The following SHC4 variants were observed in gnomAD, a reference collection of about 807,000 sequenced individuals.
SHC4 encodes SHC-transforming protein 4.
SHC4 carries 41 observed loss-of-function variants against 69.4 expected under a neutral mutation model. The observed-to-expected ratio is 0.59, with a 90% CI of 0.46 to 0.77. SHC4 has a LOEUF of 0.77. Ranked by LOEUF, SHC4 falls within the 30% of genes least tolerant of loss-of-function variation. The pLI is 0.00. For missense variants in SHC4, 777 were observed against 783.8 expected (o/e 0.99, Z 0.10); for synonymous variants, 318 against 299.3 (o/e 1.06, Z -0.64).
intron 4 of SHC4, among the ~76,000 whole-genome samples, chr15:48,883,574 G>T (rs1366406169): frequency 1.3e-5 from 2 of 152,158 alleles, no homozygotes; most frequent in African/African-American, 4.8e-5. Context: ...AAGGAATTTA[G>T]TTTAAAAAAT....
intron 1 of SHC4, among the ~76,000 whole-genome samples, chr15:48,936,219 G>T (rs762586832): frequency 9.2e-5 from 14 of 152,134 alleles, no homozygotes; most frequent in Non-Finnish European, 1.9e-4. Context: ...AGGTTTAAAA[G>T]CCTGAAAATC....
intron 1 of SHC4, among the ~76,000 whole-genome samples, chr15:48,936,980 T>C (rs1901083015): frequency 6.6e-6 from 1 of 152,148 alleles, no homozygotes; most frequent in Non-Finnish European, 1.5e-5. Flanking sequence ...GTCATCCCTG[T>C]GGCAAAAACT....
chr15:48,938,271 T>C (rs1901110522), intron 1 of SHC4: 1 of 152,220 alleles, frequency 6.6e-6, no homozygotes, highest in Non-Finnish European at 1.5e-5. Context: ...AAAGTATTAA[T>C]ACATTCAGAA....
chr15:48,915,608 G>T (rs1413871023), intron 2 of SHC4, among the ~76,000 whole-genome samples: 1 of 152,156 alleles, frequency 6.6e-6, no homozygotes, highest in Admixed American at 6.5e-5. Flanking sequence ...GATCAACTTT[G>T]GATGCTATGT....
intron 11 of SHC4, among the ~76,000 whole-genome samples, chr15:48,826,805 A>T (rs1466002502): frequency 3.9e-5 from 6 of 152,150 alleles, no homozygotes; most frequent in Non-Finnish European, 1.5e-5. Context: ...GCCTTTCTGG[A>T]GAAGTCCTAC....
chr15:48,929,584 G>A (rs1036750086), intron 1 of SHC4, among the ~76,000 whole-genome samples: 1 of 152,194 alleles, frequency 6.6e-6, no homozygotes, highest in African/African-American at 2.4e-5. Context: ...AGTGAAAAGA[G>A]GAGTTATCCT....
At chr15:48,944,243 A>G (rs1901232975) in intron 1 of SHC4, among the ~76,000 whole-genome samples, 1 of 150,764 alleles carries the variant, frequency 6.6e-6, no homozygotes, top group Non-Finnish European at 1.5e-5. Flanking sequence ...CAGGGCAGAG[A>G]CTCTGGGTGC....
chr15:48,929,161 G>A (rs865937398), intron 1 of SHC4, among the ~76,000 whole-genome samples: 2 of 152,188 alleles, frequency 1.3e-5, no homozygotes, highest in East Asian at 1.9e-4. Context: ...GTGAGGAAGC[G>A]GGGAGGGGGC....
At chr15:48,858,306 C>T (rs935376945) in intron 6 of SHC4, among the ~76,000 whole-genome samples, 3 of 152,134 alleles carry the variant, frequency 2.0e-5, no homozygotes, top group Non-Finnish European at 2.9e-5. Flanking sequence ...CTTTGGAATA[C>T]GCCCCCCGCC....
In SHC4 at chr15:48,826,208, A is replaced by G. The variant is rs2140960887; in HGVS notation, c.1738-82T>C. The stretch of plus-strand genomic sequence containing the variant: ...TATAAATAATAAGGGGGAAAATGCC[A>G]GATATATCCCTAAAGTAGATACTTT... On this transcript the variant is annotated intron_variant, in intron 11 of 11. Coordinates refer to ENST00000332408, the MANE Select transcript of SHC4 (RefSeq NM_203349.4). The G allele has an allele frequency of 2.3e-6, 3 of 1,331,408 alleles. No homozygotes were observed. The East Asian group carries it at 7.2e-5, about 32-fold the overall frequency. 82.5% of individuals were successfully genotyped at this position (1,331,408 alleles called of 1,614,324 possible). A position where few individuals can be genotyped will look rare whatever the true frequency, so the allele number is the denominator to read the frequency against.
chr15:48,876,445 A>C (rs75175364), intron 4 of SHC4: 1 of 316,200 alleles, frequency 3.2e-6, no homozygotes, highest in Non-Finnish European at 5.6e-6. Context: ...ATATATACAT[A>C]TATATATACA....
chr15:48,855,538 G>T (rs1260787442), intron 8 of SHC4, among the ~76,000 whole-genome samples: 1 of 152,160 alleles, frequency 6.6e-6, no homozygotes, highest in East Asian at 1.9e-4. Context: ...AATAGAGAAA[G>T]AGTGAAGATT....
intron 2 of SHC4, among the ~76,000 whole-genome samples, chr15:48,907,814 ATGTGTGTGTGTGTG>A (rs60841488): frequency 1.4e-5 from 2 of 144,998 alleles, no homozygotes; most frequent in African/African-American, 2.6e-5. Context: ...ATGAATGAAT[ATGTGTGTGTGTGTG>A]TGTGTGTGTG....
At chr15:48,918,783 G>A (rs986355180) in intron 2 of SHC4, among the ~76,000 whole-genome samples, 4 of 152,170 alleles carry the variant, frequency 2.6e-5, no homozygotes, top group Middle Eastern at 3.2e-3. Flanking sequence ...AGTCAGAGGT[G>A]AATTCTGCAA....
At chr15:48,950,189 TTTATA>T (rs1901344644) in intron 1 of SHC4, among the ~76,000 whole-genome samples, 1 of 145,598 alleles carries the variant, frequency 6.9e-6, no homozygotes, top group Non-Finnish European at 1.5e-5. Flanking sequence ...TATTTATAAT[TTTATA>T]TTATATAATT....
chr15:48,857,409 T>C (rs969825793), intron 7 of SHC4, among the ~76,000 whole-genome samples: 3 of 152,180 alleles, frequency 2.0e-5, no homozygotes, highest in Admixed American at 1.3e-4. Context: ...CAAAGCTCTT[T>C]ATAGTGCTAG....
chr15:48,944,901 A>C (rs1447793358), intron 1 of SHC4, among the ~76,000 whole-genome samples: 1 of 152,214 alleles, frequency 6.6e-6, no homozygotes, highest in African/African-American at 2.4e-5. Flanking sequence ...ATAACACCTT[A>C]CTGAAAGTAT....
rs116093847 is a variant in SHC4 at position 48,899,780 on chromosome 15, G to T, written c.657-8969C>A. Among the ~76,000 whole-genome samples, 860 of 152,276 alleles carry T rather than the reference G, an allele frequency of 5.6e-3. 10 individuals carry two copies. The highest frequency in any genetic ancestry group is 0.02 in the African/African-American group (814 of 41,556). The stretch of plus-strand genomic sequence containing the variant: ...CATCCACAGAGAGTACACCATTTAG[G>T]TAAGTGGTGATCAAACTGTAAAGTT... On this transcript the variant is annotated intron_variant, in intron 2 of 11. Coordinates refer to ENST00000332408, the MANE Select transcript of SHC4 (RefSeq NM_203349.4).
intron 2 of SHC4, among the ~76,000 whole-genome samples, chr15:48,916,845 TA>T (rs1273694832): frequency 6.6e-6 from 1 of 152,230 alleles, no homozygotes; most frequent in African/African-American, 2.4e-5. Flanking sequence ...CTGATTTTAT[TA>T]CTGAATACAA....
Sources: gnomAD v4.1 joint callset for allele counts (sites outside exome capture counted in the v4.1 genomes callset) on GRCh38, gnomAD v4.1.1 for gene constraint, MANE v1.5 for transcripts, NCBI Gene and HGNC (gene_info 2026-07-23, HGNC 2026-07-21) for gene names.